The following CFAP221 variants were observed in gnomAD, a reference collection of about 807,000 sequenced individuals.
CFAP221 encodes the protein cilia and flagella associated protein 221, also known as cilia- and flagella-associated protein 221.
CFAP221 carries 97 observed loss-of-function variants against 113.1 expected under a neutral mutation model. The ratio of observed to expected loss-of-function variants is 0.86; its 90% CI spans 0.73 to 1.02. CFAP221 has a LOEUF of 1.02. Ranked by LOEUF, CFAP221 falls within the 50% of genes least tolerant of loss-of-function variation. CFAP221 has a pLI of 0.00. For synonymous variants in CFAP221, 331 were observed against 354.4 expected (o/e 0.93, Z 0.74); for missense variants, 1,025 against 1,013.4 (o/e 1.01, Z -0.16).
chr2:119,607,037 A>G (rs1238484596), intron 11 of CFAP221, among the ~76,000 whole-genome samples: 1 of 152,234 alleles, frequency 6.6e-6, no homozygotes, highest in Non-Finnish European at 1.5e-5. Context: ...TATTATAATC[A>G]CTTCCAAGAG....
intron 14 of CFAP221, among the ~76,000 whole-genome samples, chr2:119,619,309 G>C (rs1390565768): frequency 6.6e-6 from 1 of 152,200 alleles, no homozygotes; most frequent in Non-Finnish European, 1.5e-5. Context: ...CTCCCAGCAG[G>C]GGTCTACAAA....
chr2:119,630,636 A>G lies in CFAP221; in HGVS notation c.1798A>G (p.Arg600Gly). 1 of 1,614,056 alleles carries G rather than the reference A, an allele frequency of 6.2e-7. No individual in the cohort carries two copies. Among genetic ancestry groups the G allele is most frequent in the South Asian group, 1.1e-5 (1 of 91,082 alleles). ...TGTCCACAAGTCTTCAACAAGTTACAGACCTCAAAAGCTTGCCCGAGCCCT... is the reference window on the plus strand; with the variant it reads ...TGTCCACAAGTCTTCAACAAGTTACGGACCTCAAAAGCTTGCCCGAGCCCT... ...FSVHKSSTSY[R>G]PQKLARALKQ... The change falls in exon 18 of 24, where the codon AGA becomes GGA. Residue 600 changes from arginine (R) to glycine (G), a missense_variant. Arg to Gly is a moderately radical substitution (Grantham distance 125). Transcript: ENST00000413369.
intron 6 of CFAP221, among the ~76,000 whole-genome samples, chr2:119,566,560 C>T (rs112611240): frequency 6.6e-6 from 1 of 152,230 alleles, no homozygotes; most frequent in African/African-American, 2.4e-5. Flanking sequence ...TGAGTACCCC[C>T]CCAGCTCCTA....
At chr2:119,642,820 G>A (rs1687573631) in intron 21 of CFAP221, among the ~76,000 whole-genome samples, 2 of 151,246 alleles carry the variant, frequency 1.3e-5, no homozygotes, top group Non-Finnish European at 2.9e-5. Context: ...GATTACAGAA[G>A]TGGAGCCACT....
chr2:119,567,719 G>A (rs1681749607), intron 6 of CFAP221, among the ~76,000 whole-genome samples: 1 of 152,172 alleles, frequency 6.6e-6, no homozygotes. Flanking sequence ...AATGTCTACA[G>A]TGATCTACTC....
intron 6 of CFAP221, among the ~76,000 whole-genome samples, chr2:119,584,844 G>C (rs1683101093): frequency 6.6e-6 from 1 of 152,100 alleles, no homozygotes; most frequent in Admixed American, 6.5e-5. Flanking sequence ...TGCTAGTAAA[G>C]GTGTAAATTG....
At chr2:119,641,833 A>G (rs1276629079) in intron 21 of CFAP221, among the ~76,000 whole-genome samples, 2 of 152,220 alleles carry the variant, frequency 1.3e-5, no homozygotes, top group Non-Finnish European at 2.9e-5. Flanking sequence ...TGACCTATGC[A>G]GTCAGTAAAC....
At chr2:119,605,611 C>T (rs1684686024) in intron 11 of CFAP221, among the ~76,000 whole-genome samples, 1 of 152,166 alleles carries the variant, frequency 6.6e-6, no homozygotes, top group Admixed American at 6.5e-5. Context: ...CCATCATCCT[C>T]CACCTCACCA....
At chr2:119,603,007 A>C (rs1430017454) in intron 8 of CFAP221, among the ~76,000 whole-genome samples, 1 of 152,212 alleles carries the variant, frequency 6.6e-6, no homozygotes, top group Non-Finnish European at 1.5e-5. Context: ...TAAGATCTGC[A>C]TGTCTCTCCA....
At position 119,546,173 on chromosome 2, in the gene CFAP221, T is replaced by A; in HGVS notation, c.42T>A (p.Ala14=). ...VKTPSRGLKN[A]KEPFNNASPH... is the part of the protein sequence containing the mutation. ...CCCCCAGCAGAGGACTAAAGAATGC[T>A]AAAGAACCCTTTAATAATGCATCAC... The change falls in exon 2 of 24, where the codon GCT becomes GCA. Residue 14 remains alanine, a synonymous_variant. Coordinates refer to ENST00000413369, the MANE Select transcript of CFAP221 (RefSeq NM_001271049.2). The A allele has an allele frequency of 2.0e-6, 3 of 1,535,768 alleles. No individual in the cohort carries two copies. Among genetic ancestry groups the A allele is most frequent in the Non-Finnish European group, 2.6e-6 (3 of 1,146,820 alleles).
intron 7 of CFAP221, 69 bp downstream of exon 7, chr2:119,587,291 C>T: frequency 8.7e-7 from 1 of 1,145,700 alleles, no homozygotes; most frequent in South Asian, 1.7e-5. Flanking sequence ...TATTTTCAAA[C>T]ACATATCAGT....
chr2:119,616,887 A>G (rs1685567524), intron 14 of CFAP221, among the ~76,000 whole-genome samples: 1 of 152,116 alleles, frequency 6.6e-6, no homozygotes, highest in Non-Finnish European at 1.5e-5. Context: ...TAAATCTCTC[A>G]TCTCTGTCAC....
chr2:119,552,318 GAAAT>G (rs1186165734), intron 3 of CFAP221, among the ~76,000 whole-genome samples: 40 of 141,572 alleles, frequency 2.8e-4, no homozygotes, highest in African/African-American at 9.5e-4. Flanking sequence ...TCTTTAATAA[GAAAT>G]AAATAGAAAT....
intron 19 of CFAP221, among the ~76,000 whole-genome samples, chr2:119,632,919 T>G (rs1686876189): frequency 6.6e-6 from 1 of 152,094 alleles, no homozygotes; most frequent in East Asian, 1.9e-4. Flanking sequence ...TATTTAGAGA[T>G]AAATATGACA....
chr2:119,578,374 G>A (rs960440623), intron 6 of CFAP221, among the ~76,000 whole-genome samples: 5 of 152,180 alleles, frequency 3.3e-5, no homozygotes, highest in South Asian at 4.1e-4. Context: ...GCTTGCCCAG[G>A]CTCGGATTAT....
intron 8 of CFAP221, chr2:119,602,649 G>C: frequency 1.0e-6 from 1 of 985,308 alleles, no homozygotes; most frequent in Non-Finnish European, 1.2e-6. Flanking sequence ...TATTAGTGTG[G>C]CCTGCTGAAC....
Position 119,625,616 on chromosome 2 carries a change from A to C in CFAP221, c.1444A>C (p.Ser482Arg). 6.2e-7 allele frequency: 1 copy of C among 1,613,748 alleles called. No homozygotes were observed. The highest frequency in any genetic ancestry group is 2.2e-5 in the East Asian group (1 of 44,868). The change falls in exon 15 of 24, where the codon AGT becomes CGT. Residue 482 changes from serine to arginine, a missense_variant. Transcript: ENST00000413369. ...TCAGGGACGATTATTCAATATGCTG[A>C]GTGCTGTTCGTGAAATGGACAAAGA... is the stretch of plus-strand genomic sequence containing the variant. Reference protein sequence around the residue: ...MIQGRLFNMLSAVREMDKESI... With the variant: ...MIQGRLFNMLRAVREMDKESI...
intron 7 of CFAP221, among the ~76,000 whole-genome samples, chr2:119,589,305 G>A (rs1683428696): frequency 6.6e-6 from 1 of 152,226 alleles, no homozygotes; most frequent in South Asian, 2.1e-4. Flanking sequence ...GAAAGCCTTG[G>A]CTGCATGGAG....
Position 119,630,772 on chromosome 2 carries a change from A to G in CFAP221, c.1845A>G (p.Glu615=). 6.2e-7 allele frequency: 1 copy of G among 1,610,028 alleles called. No individual in the cohort carries two copies. The highest frequency in any genetic ancestry group is 8.5e-7 in the Non-Finnish European group (1 of 1,176,620). Residue 615 remains glutamate, a synonymous_variant, in exon 19 of 24, where the codon GAA becomes GAG. Coordinates refer to ENST00000413369, the MANE Select transcript of CFAP221 (RefSeq NM_001271049.2). The stretch of plus-strand genomic sequence containing the variant: ...CTGTCCTTGCTCCTTGTTAGGATGA[A>G]GTCACCACCATCACAGCCCTTCCGA... The part of the protein sequence containing the change: ...ARALKQGAED[E]VTTITALPKQ...
Sources: allele counts gnomAD v4.1 joint callset (sites outside exome capture counted in the v4.1 genomes callset), GRCh38; gene constraint gnomAD v4.1.1; transcripts MANE v1.5; gene names NCBI Gene and HGNC (gene_info 2026-07-23, HGNC 2026-07-21).